MARCHF8: variants seen among roughly 807,000 people sequenced by gnomAD.
MARCHF8 encodes the protein membrane associated ring-CH-type finger 8.
In MARCHF8, 40 loss-of-function variants were observed where a neutral mutation model predicts 51.6. That is an observed-to-expected ratio of 0.77 (90% CI 0.60 to 1.01). The LOEUF (loss-of-function observed/expected upper bound fraction) is 1.01. Ranked by LOEUF, MARCHF8 falls within the 50% of genes least tolerant of loss-of-function variation. The probability of loss-of-function intolerance (pLI) is 0.00; values close to 1 mark genes in which losing one functional copy is unlikely to be tolerated. For missense variants in MARCHF8, 685 were observed against 708.6 expected, an observed-to-expected ratio of 0.97 and a Z score of 0.38; for synonymous variants, 263 against 280.3, an observed-to-expected ratio of 0.94 and a Z score of 0.62.
chr10:45,459,808 C>T, intron 6 of MARCHF8: 2 of 985,344 alleles, frequency 2.0e-6, no homozygotes, highest in South Asian at 9.4e-5. Flanking sequence ...TACAAGCAGA[C>T]TCTGCTAGTC....
At chr10:45,470,346 C>G (rs1383422996) in intron 3 of MARCHF8, among the ~76,000 whole-genome samples, 3 of 152,214 alleles carry the variant, frequency 2.0e-5, no homozygotes, top group African/African-American at 7.2e-5. Flanking sequence ...TGCTGGCTGA[C>G]TCCACCTGGG....
chr10:45,567,257 C>T (rs2044375661), intron 1 of MARCHF8, among the ~76,000 whole-genome samples: 1 of 152,226 alleles, frequency 6.6e-6, no homozygotes, highest in African/African-American at 2.4e-5. Context: ...CTGTATCCTT[C>T]GCTGTGCAGA....
chr10:45,516,741 G>A (rs1034613626), intron 2 of MARCHF8, among the ~76,000 whole-genome samples: 2 of 152,044 alleles, frequency 1.3e-5, no homozygotes, highest in Admixed American at 6.5e-5. Flanking sequence ...TCCAGCCTGG[G>A]TAACAGAACA....
intron 1 of MARCHF8, among the ~76,000 whole-genome samples, chr10:45,587,901 G>C (rs999617381): frequency 2.0e-5 from 3 of 152,026 alleles, no homozygotes; most frequent in African/African-American, 7.2e-5. Context: ...ATGTATATTA[G>C]ACCAGCTAGC....
chr10:45,499,130 A>G (rs1350375088), intron 2 of MARCHF8, among the ~76,000 whole-genome samples: 1 of 152,224 alleles, frequency 6.6e-6, no homozygotes, highest in Non-Finnish European at 1.5e-5. Flanking sequence ...TAAAATATAT[A>G]TAACAGCCAT....
chr10:45,546,138 T>TTTTATTTATTTATTTATTTA (rs370400917), intron 1 of MARCHF8, among the ~76,000 whole-genome samples: 37 of 147,790 alleles, frequency 2.5e-4, no homozygotes, highest in African/African-American at 8.6e-4. Flanking sequence ...TGAGCTGAAT[T>TTTTATTTATTTATTTATTTA]TTTATTTATT....
At chr10:45,558,465 T>G (rs995525316) in intron 1 of MARCHF8, among the ~76,000 whole-genome samples, 2 of 152,180 alleles carry the variant, frequency 1.3e-5, no homozygotes, top group African/African-American at 4.8e-5. Flanking sequence ...ATTAAAGGCA[T>G]TCTCAAAAGG....
At chr10:45,513,173 A>C (rs2043560883) in intron 2 of MARCHF8, among the ~76,000 whole-genome samples, 1 of 151,588 alleles carries the variant, frequency 6.6e-6, no homozygotes, top group African/African-American at 2.4e-5. Flanking sequence ...CTATTGTCCT[A>C]TGACCCTGCC....
chr10:45,583,879 G>A (rs1039019936), intron 1 of MARCHF8, among the ~76,000 whole-genome samples: 5 of 151,392 alleles, frequency 3.3e-5, no homozygotes, highest in Admixed American at 6.6e-5. Flanking sequence ...GATGGCACGC[G>A]CCTGCAATCC....
intron 2 of MARCHF8, among the ~76,000 whole-genome samples, chr10:45,517,641 C>T (rs1385979063): frequency 6.6e-6 from 1 of 152,200 alleles, no homozygotes; most frequent in Non-Finnish European, 1.5e-5. Flanking sequence ...GCCTACAGAA[C>T]CACGAGGCAA....
intron 2 of MARCHF8, among the ~76,000 whole-genome samples, chr10:45,509,604 T>C (rs2043456099): frequency 6.6e-6 from 1 of 152,338 alleles, no homozygotes; most frequent in Non-Finnish European, 1.5e-5. Context: ...CAATCAAATA[T>C]GACTAAACAC....
intron 1 of MARCHF8, among the ~76,000 whole-genome samples, chr10:45,588,718 G>A (rs1213186467): frequency 6.6e-6 from 1 of 152,118 alleles, no homozygotes; most frequent in African/African-American, 2.4e-5. Context: ...TCCATTATAG[G>A]CCGGGTGCAG....
At chr10:45,562,375 C>T (rs960317970) in intron 1 of MARCHF8, among the ~76,000 whole-genome samples, 2 of 151,998 alleles carry the variant, frequency 1.3e-5, no homozygotes, top group Admixed American at 6.6e-5. Flanking sequence ...CAAAATAAAG[C>T]CAAAGAAAAG....
At chr10:45,581,435 C>T (rs2044554353) in intron 1 of MARCHF8, among the ~76,000 whole-genome samples, 1 of 152,168 alleles carries the variant, frequency 6.6e-6, no homozygotes, top group Non-Finnish European at 1.5e-5. Context: ...AATGTAAACA[C>T]ACACATTACC....
intron 2 of MARCHF8, among the ~76,000 whole-genome samples, chr10:45,493,926 C>G (rs1262457476): frequency 1.3e-5 from 2 of 152,186 alleles, no homozygotes; most frequent in African/African-American, 4.8e-5. Flanking sequence ...GCTGAGATTA[C>G]AGGCATACTA....
intron 2 of MARCHF8, among the ~76,000 whole-genome samples, chr10:45,508,715 T>C (rs1260253304): frequency 6.6e-6 from 1 of 152,206 alleles, no homozygotes; most frequent in Non-Finnish European, 1.5e-5. Context: ...TCTAGGATTA[T>C]TGCTATATTT....
intron 2 of MARCHF8, among the ~76,000 whole-genome samples, chr10:45,502,203 C>T (rs1455489434): frequency 6.6e-6 from 1 of 152,146 alleles, no homozygotes; most frequent in East Asian, 1.9e-4. Flanking sequence ...AACAAATGTC[C>T]TTCAACAGGT....
intron 1 of MARCHF8, among the ~76,000 whole-genome samples, chr10:45,586,905 A>G (rs1179336430): frequency 6.6e-6 from 1 of 151,874 alleles, no homozygotes; most frequent in African/African-American, 2.4e-5. Flanking sequence ...AGTCTATAGT[A>G]TACTGTTTCT....
intron 1 of MARCHF8, among the ~76,000 whole-genome samples, chr10:45,582,244 A>G (rs2044563999): frequency 6.6e-6 from 1 of 152,154 alleles, no homozygotes; most frequent in Non-Finnish European, 1.5e-5. Context: ...GCCCCCTTCA[A>G]TGTTGGACAG....
Sources: allele counts gnomAD v4.1 joint callset (sites outside exome capture counted in the v4.1 genomes callset), GRCh38; gene constraint gnomAD v4.1.1; transcripts MANE v1.5; gene names NCBI Gene and HGNC (gene_info 2026-07-23, HGNC 2026-07-21).